Variants in IQCH observed in about 807,000 individuals in gnomAD.
IQCH encodes IQ domain-containing protein H.
In IQCH, 98 loss-of-function variants were observed where a neutral mutation model predicts 117.0. That is an observed-to-expected ratio of 0.84 (90% CI 0.71 to 0.99). IQCH has a LOEUF of 0.99. IQCH is among the 50% of genes least tolerant of loss of function. The pLI is 0.00. For missense variants in IQCH, 1,102 were observed against 1,243.8 expected, an observed-to-expected ratio of 0.89 and a Z score of 1.72; for synonymous variants, 412 against 448.2, an observed-to-expected ratio of 0.92 and a Z score of 1.02.
In IQCH at chr15:67,431,006, G is replaced by A. The variant is rs1170521120; in HGVS notation, c.2505+9429G>A. Reference sequence around the variant, plus strand: ...CCTTCTGTTGGGAGCAATCAAGAAAGGTTTTGCAGAGAAGGTGGGATTTGA... The same window carrying A: ...CCTTCTGTTGGGAGCAATCAAGAAAAGTTTTGCAGAGAAGGTGGGATTTGA... On this transcript the variant is annotated intron_variant, in intron 16 of 20. Coordinates refer to ENST00000335894, the MANE Select transcript of IQCH (RefSeq NM_001031715.3). This position sits in a 1 kb window ranked among gnomAD's most constrained non-coding sequence, Gnocchi z 4.8. 3.3e-5 allele frequency among the ~76,000 whole-genome samples: 5 copies of A among 152,166 alleles called. No individual in the cohort carries two copies. The East Asian group carries it at 5.8e-4, about 18-fold the overall frequency.
At position 67,427,762 on chromosome 15, in the gene IQCH, A is replaced by T. The variant is rs576401227; in HGVS notation, c.2505+6185A>T. Reference sequence around the variant, plus strand: ...GAAATAATCACAAAGATTTAAATACACATATATTAATCACATCATTATTAA... The same window carrying T: ...GAAATAATCACAAAGATTTAAATACTCATATATTAATCACATCATTATTAA... On this transcript the variant is annotated intron_variant, in intron 16 of 20. Coordinates refer to ENST00000335894, the MANE Select transcript of IQCH (RefSeq NM_001031715.3). The surrounding 1 kb of genome is among the most constrained non-coding windows in gnomAD (Gnocchi z 4.7). Among the ~76,000 whole-genome samples the T allele has an allele frequency of 6.6e-6, 1 of 152,130 alleles. No homozygotes were observed. Among genetic ancestry groups the T allele is most frequent in the Non-Finnish European group, 1.5e-5 (1 of 68,018 alleles).
At chr15:67,442,854 AGATAGATAG>A (rs1448788805) in intron 16 of IQCH, among the ~76,000 whole-genome samples, 18 of 144,290 alleles carry the variant, frequency 1.2e-4, no homozygotes, top group African/African-American at 4.8e-4. Context: ...ATAGATAGAT[AGATAGATAG>A]ATATACATAT....
At chr15:67,320,403 T>G (rs1221325065) in intron 4 of IQCH, among the ~76,000 whole-genome samples, 1 of 152,252 alleles carries the variant, frequency 6.6e-6, no homozygotes, top group East Asian at 1.9e-4. Context: ...TTAAACTCAT[T>G]TCTTCTCATG....
At chr15:67,412,247 C>A (rs923052832) in intron 14 of IQCH, among the ~76,000 whole-genome samples, 28 of 152,088 alleles carry the variant, frequency 1.8e-4, no homozygotes, top group African/African-American at 5.1e-4. Flanking sequence ...ATTTTTATTT[C>A]CACACTTCCC....
intron 4 of IQCH, among the ~76,000 whole-genome samples, chr15:67,301,395 T>C (rs538524840): frequency 2.7e-5 from 4 of 145,984 alleles, no homozygotes; most frequent in Admixed American, 1.5e-4. Flanking sequence ...ACATTTGTTA[T>C]GTTAAGTTTT....
chr15:67,279,652 G>T (rs1966270207), intron 4 of IQCH, 140 bp downstream of exon 4: 2 of 540,070 alleles, frequency 3.7e-6, no homozygotes, highest in Non-Finnish European at 3.3e-6. Flanking sequence ...TTATATAGTG[G>T]TGATGATTGC....
chr15:67,490,030 T>C lies in IQCH; in HGVS notation c.2827T>C (p.Tyr943His). ...AAGGCAAGGAACTGTTTTTATATTA[T>C]ATGAGCACCTGAAGAGACACAAGTT... is the stretch of plus-strand genomic sequence containing the variant. The part of the protein sequence containing the change: ...EERQGTVFIL[Y>H]EHLKRHKLGM... Residue 943 changes from tyrosine to histidine, a missense_variant, in exon 19 of 21, where the codon TAT (tyrosine) becomes CAT (histidine). By Grantham distance (83) the Tyr-to-His change is moderately conservative. This residue lies in a region of IQCH where 650 missense variants were observed against 794.3 expected (regional missense o/e 0.82). Coordinates refer to ENST00000335894, the MANE Select transcript of IQCH (RefSeq NM_001031715.3). This position sits in a 1 kb window ranked among gnomAD's most constrained non-coding sequence, Gnocchi z 4.9. 3.1e-6 allele frequency: 5 copies of C among 1,612,070 alleles called. No homozygotes were observed. The highest frequency in any genetic ancestry group is 4.2e-6 in the Non-Finnish European group (5 of 1,178,244).
chr15:67,491,523 TCA>T lies in IQCH; in HGVS notation c.2861+1460_2861+1461del, dbSNP rs2083653112. On this transcript the variant is annotated intron_variant, in intron 19 of 20. Transcript: ENST00000335894. This position sits in a 1 kb window ranked among gnomAD's most constrained non-coding sequence, Gnocchi z 4.9. ...CTGTTTTGAGTCCTCCCCTCCAGTT[TCA>T]GTCTTCCCCCAAGATCCCATAAACA... Among the ~76,000 whole-genome samples, 1 of 152,268 alleles carries T rather than the reference TCA, an allele frequency of 6.6e-6. No individual in the cohort carries two copies. The highest frequency in any genetic ancestry group is 1.9e-4 in the East Asian group (1 of 5,182).
intron 4 of IQCH, among the ~76,000 whole-genome samples, chr15:67,325,063 A>C (rs7178975): frequency 0.67 from 101,571 of 151,878 alleles, 34,699 homozygotes; most frequent in Middle Eastern, 0.83. Context: ...ATTATACCAC[A>C]TGACTTTGTC....
intron 1 of IQCH, among the ~76,000 whole-genome samples, chr15:67,258,258 G>A (rs896140943): frequency 2.6e-5 from 4 of 150,964 alleles, no homozygotes; most frequent in Non-Finnish European, 4.4e-5. Context: ...GGCCAAGCGC[G>A]GTGGCTCATG....
At chr15:67,304,217 TC>T in intron 4 of IQCH, 1 of 545,598 alleles carries the variant, frequency 1.8e-6, no homozygotes, top group African/African-American at 1.9e-5. Flanking sequence ...TATATTTTTT[TC>T]CAGTGAGAAT....
rs1362140439 is a variant in IQCH, at chr15:67,386,300, G to T, written c.1456+1281G>T. Among the ~76,000 whole-genome samples the T allele has an allele frequency of 2.0e-5, 3 of 152,160 alleles. No individual in the cohort carries two copies. The highest frequency in any genetic ancestry group is 3.9e-4 in the East Asian group (2 of 5,178). On this transcript the variant is annotated intron_variant, in intron 11 of 20. Transcript: ENST00000335894. The surrounding 1 kb of genome is among the most constrained non-coding windows in gnomAD (Gnocchi z 5.0). ...ATAAAAGATTCTCATTATTGGAAAA[G>T]ACTTGAAAGTATTAGGCTTCTATTT... is the stretch of plus-strand genomic sequence containing the variant.
At chr15:67,310,637 A>G (rs532027656) in intron 4 of IQCH, among the ~76,000 whole-genome samples, 1 of 152,116 alleles carries the variant, frequency 6.6e-6, no homozygotes, top group Non-Finnish European at 1.5e-5. Context: ...TAATATAGCC[A>G]TATCATGATA....
chr15:67,392,341 T>A (rs955482563), intron 12 of IQCH, among the ~76,000 whole-genome samples: 3 of 152,226 alleles, frequency 2.0e-5, no homozygotes, highest in Middle Eastern at 3.4e-3. Context: ...GAATAATTTA[T>A]GGGAAAAAGA....
intron 4 of IQCH, among the ~76,000 whole-genome samples, chr15:67,295,174 A>G (rs1159989571): frequency 6.6e-6 from 1 of 152,156 alleles, no homozygotes; most frequent in Non-Finnish European, 1.5e-5. Flanking sequence ...TACTCGCTGA[A>G]AAAAATAAAT....
Position 67,359,258 on chromosome 15 carries a change from T to C in IQCH, c.715-589T>C, listed in dbSNP as rs187824200. ...TTACCACGAAAAAAATAGTTTTAAA[T>C]AATGACATATTTTCTGAATGCTAAT... On this transcript the variant is annotated intron_variant, in intron 7 of 20. Coordinates refer to ENST00000335894, the MANE Select transcript of IQCH (RefSeq NM_001031715.3). The surrounding 1 kb of genome is among the most constrained non-coding windows in gnomAD (Gnocchi z 4.5). Among the ~76,000 whole-genome samples, 15 of 152,340 alleles carry C rather than the reference T, an allele frequency of 9.8e-5. No individual in the cohort carries two copies. Among genetic ancestry groups the C allele is most frequent in the Admixed American group, 9.8e-4 (15 of 15,300 alleles).
At chr15:67,428,922 T>C (rs1343434496) in intron 16 of IQCH, among the ~76,000 whole-genome samples, 3 of 151,406 alleles carry the variant, frequency 2.0e-5, no homozygotes, top group Non-Finnish European at 2.9e-5. Context: ...GCTGTGCTGC[T>C]GGCCTTGAAC....
At chr15:67,339,894 A>AG (rs1205504104) in intron 5 of IQCH, among the ~76,000 whole-genome samples, 2 of 152,186 alleles carry the variant, frequency 1.3e-5, no homozygotes, top group African/African-American at 4.8e-5. Context: ...TGCTATCCCA[A>AG]GACTAGAAAA....
Position 67,436,696 on chromosome 15 carries a change from G to A in IQCH, c.2505+15119G>A, listed in dbSNP as rs75505758. 0.013 allele frequency among the ~76,000 whole-genome samples: 2,019 copies of A among 152,234 alleles called. 27 individuals are homozygous for A. Among genetic ancestry groups the A allele is most frequent in the East Asian group, 0.044 (227 of 5,174 alleles). Reference sequence around the variant, plus strand: ...TTGCCCTCTGCCTGGAAAGAGACTCGGGGCTGTTGTGGAGAGGCATGGTGG... The same window carrying A: ...TTGCCCTCTGCCTGGAAAGAGACTCAGGGCTGTTGTGGAGAGGCATGGTGG... On this transcript the variant is annotated intron_variant, in intron 16 of 20. Transcript: ENST00000335894. The surrounding 1 kb of genome is among the most constrained non-coding windows in gnomAD (Gnocchi z 5.1).
Sources: allele counts gnomAD v4.1 joint callset (sites outside exome capture counted in the v4.1 genomes callset), GRCh38; gene constraint gnomAD v4.1.1; regional missense constraint gnomAD v4.1.1; non-coding constraint Gnocchi (gnomAD v3.1); transcripts MANE v1.5; gene names NCBI Gene and HGNC (gene_info 2026-07-23, HGNC 2026-07-21).